The following MYH10 variants were observed in gnomAD, a reference collection of about 807,000 sequenced individuals.
MYH10 encodes myosin-10.
In MYH10, 55 loss-of-function variants were observed where a neutral mutation model predicts 257.8. The observed-to-expected ratio is 0.21, with a 90% CI of 0.17 to 0.27. MYH10 has a LOEUF of 0.27. Among genes scored for constraint, MYH10 ranks in the 10% least tolerant of loss-of-function variants. The pLI, the probability that MYH10 is intolerant of heterozygous loss-of-function variation, is 1.00. For synonymous variants in MYH10, 854 were observed against 921.7 expected (o/e 0.93, Z 1.33); for missense variants, 1,631 against 2,500.6 (o/e 0.65, Z 7.42).
At chr17:8,514,137 G>A (rs1210035605) in intron 21 of MYH10, among the ~76,000 whole-genome samples, 1 of 152,102 alleles carries the variant, frequency 6.6e-6, no homozygotes, top group Non-Finnish European at 1.5e-5. Flanking sequence ...CTTTCTTCAG[G>A]GACGCTGCCC....
chr17:8,519,079 T>C (rs1026488715), intron 19 of MYH10, 129 bp from the exon 20 acceptor site: 5 of 626,796 alleles, frequency 8.0e-6, no homozygotes, highest in South Asian at 2.3e-5. Context: ...ATGTAATACA[T>C]GTTCAAGAAA....
chr17:8,579,996 G>T (rs1166472351), intron 4 of MYH10, among the ~76,000 whole-genome samples: 1 of 152,030 alleles, frequency 6.6e-6, no homozygotes, highest in African/African-American at 2.4e-5. Flanking sequence ...GCATGGTGGC[G>T]GGCGCCTGTA....
At chr17:8,480,571 A>G (rs1185469361) in intron 38 of MYH10, 46 bp from the exon 39 acceptor site, 2 of 1,598,728 alleles carry the variant, frequency 1.3e-6, no homozygotes, top group Non-Finnish European at 1.7e-6. Flanking sequence ...AGCTCAGCAC[A>G]GCACAGGAGC....
chr17:8,591,539 G>A lies in MYH10; in HGVS notation c.503-2431C>T, dbSNP rs148400692. On this transcript the variant is annotated intron_variant, in intron 3 of 42. Transcript: ENST00000360416. ...ATCTTCAGACCCCCGAATTTTCCTGGTCTTAGCAATTTCTATAGAACTCCA... is the reference window on the plus strand; with the variant it reads ...ATCTTCAGACCCCCGAATTTTCCTGATCTTAGCAATTTCTATAGAACTCCA... Among the ~76,000 whole-genome samples the A allele has an allele frequency of 6.8e-3, 1,035 of 152,166 alleles. 14 individuals are homozygous for A. The highest frequency in any genetic ancestry group is 0.024 in the African/African-American group (997 of 41,492).
rs1048305270 is a variant in MYH10 at position 8,485,897 on chromosome 17, A to C, written c.5046+1536T>G. Among the ~76,000 whole-genome samples, 5 of 152,268 alleles carry C rather than the reference A, an allele frequency of 3.3e-5. No individual in the cohort carries two copies. In the East Asian group the frequency reaches 9.6e-4, roughly 29 times the overall value. On this transcript the variant is annotated intron_variant, in intron 36 of 42. Transcript: ENST00000360416. Reference sequence around the variant, plus strand: ...ATGAATGTTCATAGAGGCATTATTCAGAAGTCAAAAAAATGGAAGCAACCC... The same window carrying C: ...ATGAATGTTCATAGAGGCATTATTCCGAAGTCAAAAAAATGGAAGCAACCC...
chr17:8,578,059 A>G (rs1367135722), intron 4 of MYH10, among the ~76,000 whole-genome samples: 6 of 152,150 alleles, frequency 3.9e-5, no homozygotes. Context: ...GAACTCTGAG[A>G]TGCCTGCTGG....
chr17:8,614,714 G>A (rs2085187087), intron 2 of MYH10, among the ~76,000 whole-genome samples: 1 of 152,108 alleles, frequency 6.6e-6, no homozygotes, highest in Admixed American at 6.6e-5. Context: ...AAAACTTGTA[G>A]AATACAGCTA....
At chr17:8,513,954 C>A in intron 21 of MYH10, 60 bp from the exon 22 acceptor site, 1 of 1,399,808 alleles carries the variant, frequency 7.1e-7, no homozygotes, top group South Asian at 1.2e-5. Context: ...TGGCTGTTGT[C>A]ATAAGAAGCC....
chr17:8,492,748 A>G, intron 33 of MYH10, 28 bp downstream of exon 33: 1 of 1,608,180 alleles, frequency 6.2e-7, no homozygotes, highest in Non-Finnish European at 8.5e-7. Context: ...GAGCTCTGCC[A>G]GGAGGAAACG....
intron 3 of MYH10, among the ~76,000 whole-genome samples, chr17:8,594,440 A>G (rs1270396420): frequency 6.6e-6 from 1 of 152,236 alleles, no homozygotes; most frequent in African/African-American, 2.4e-5. Flanking sequence ...ACCAAGGGCT[A>G]ACAAGGATGG....
At chr17:8,551,615 A>T (rs191203328) in intron 9 of MYH10, among the ~76,000 whole-genome samples, 1 of 152,176 alleles carries the variant, frequency 6.6e-6, no homozygotes, top group Non-Finnish European at 1.5e-5. Context: ...CCTGACATTC[A>T]ATCAATCAAT....
At chr17:8,493,363 C>T (rs1227317019) in intron 32 of MYH10, among the ~76,000 whole-genome samples, 1 of 151,314 alleles carries the variant, frequency 6.6e-6, no homozygotes, top group East Asian at 1.9e-4. Flanking sequence ...AAAAAAAGAA[C>T]TCAATTGGTT....
chr17:8,482,191 TAGTC>T (rs1913938922), intron 37 of MYH10, among the ~76,000 whole-genome samples: 1 of 152,340 alleles, frequency 6.6e-6, no homozygotes, highest in African/African-American at 2.4e-5. Flanking sequence ...GTCCCAAGGT[TAGTC>T]AGCAGCAAAA....
At chr17:8,500,006 C>T (rs1197089860) in intron 29 of MYH10, among the ~76,000 whole-genome samples, 4 of 152,166 alleles carry the variant, frequency 2.6e-5, no homozygotes, top group East Asian at 3.8e-4. Flanking sequence ...TACCTAACAC[C>T]ACTGGACCTC....
At chr17:8,556,784 C>T (rs530013229) in intron 7 of MYH10, among the ~76,000 whole-genome samples, 2 of 152,162 alleles carry the variant, frequency 1.3e-5, no homozygotes, top group Non-Finnish European at 2.9e-5. Flanking sequence ...CAAAAACAAT[C>T]AAGGGAGAGA....
In MYH10 at chr17:8,512,985, C is replaced by A. The variant is rs150125359; in HGVS notation, c.2746-328G>T. 5.2e-3 allele frequency among the ~76,000 whole-genome samples: 786 copies of A among 152,164 alleles called. 3 individuals carry two copies. The highest frequency in any genetic ancestry group is 7.5e-3 in the Non-Finnish European group (512 of 67,992). ...ATAAAGTTCATGGTGATTACTAATG[C>A]CTGTTTGGTAGTAAGTGATATCCTT... On this transcript the variant is annotated intron_variant, in intron 23 of 42. Coordinates refer to ENST00000360416, the MANE Select transcript of MYH10 (RefSeq NM_001256012.3).
rs1187227407 is a variant in MYH10 at position 8,545,653 on chromosome 17, T to C, written c.1279-53A>G. ...TTCTGGAAACAATCTCAACAAAGCA[T>C]AAATAGCTGTTTTACGGAATTTAAT... On this transcript the variant is annotated intron_variant, in intron 12 of 42. Transcript: ENST00000360416. This position sits in a 1 kb window ranked among gnomAD's most constrained non-coding sequence, Gnocchi z 4.7. 1.3e-6 allele frequency: 2 copies of C among 1,570,190 alleles called. No individual in the cohort carries two copies. Among genetic ancestry groups the C allele is most frequent in the South Asian group, 1.2e-5 (1 of 86,712 alleles).
chr17:8,508,170 G>C (rs1042963042), intron 26 of MYH10, among the ~76,000 whole-genome samples: 1 of 152,014 alleles, frequency 6.6e-6, no homozygotes, highest in Non-Finnish European at 1.5e-5. Context: ...GTCACCCCAC[G>C]ATCACAGCTC....
In MYH10 at chr17:8,621,269, T is replaced by C. The variant is rs934073180; in HGVS notation, c.345+1633A>G. ...ACATGTCGACATTACAATCTGACCATAACCTCTTAATTTTGCAGTTTTCTC... is the reference window on the plus strand; with the variant it reads ...ACATGTCGACATTACAATCTGACCACAACCTCTTAATTTTGCAGTTTTCTC... On this transcript the variant is annotated intron_variant, in intron 2 of 42. Transcript: ENST00000360416. 2.6e-5 allele frequency among the ~76,000 whole-genome samples: 4 copies of C among 152,086 alleles called. No individual in the cohort carries two copies. The East Asian group carries it at 7.7e-4, about 29-fold the overall frequency.
Sources: allele counts gnomAD v4.1 joint callset (sites outside exome capture counted in the v4.1 genomes callset), GRCh38; gene constraint gnomAD v4.1.1; non-coding constraint Gnocchi (gnomAD v3.1); transcripts MANE v1.5; gene names NCBI Gene and HGNC (gene_info 2026-07-23, HGNC 2026-07-21).